Variants in TMEM132C observed in about 807,000 individuals in gnomAD.
TMEM132C encodes the protein transmembrane protein 132C, also known as protein phosphatase 1, regulatory subunit 152.
A neutral mutation model predicts 61.4 loss-of-function variants in TMEM132C; 29 were observed. The ratio of observed to expected loss-of-function variants is 0.47; its 90% CI spans 0.35 to 0.64. The LOEUF (loss-of-function observed/expected upper bound fraction) is 0.64. Ranked by LOEUF, TMEM132C falls within the 30% of genes least tolerant of loss-of-function variation. The pLI, the probability that TMEM132C is intolerant of heterozygous loss-of-function variation, is 0.00. For synonymous variants in TMEM132C, 656 were observed against 633.1 expected (o/e 1.04, Z -0.54); for missense variants, 1,408 against 1,476.9 (o/e 0.95, Z 0.76).
intron 3 of TMEM132C, among the ~76,000 whole-genome samples, chr12:128,590,924 G>A (rs1209628231): frequency 6.6e-6 from 1 of 152,070 alleles, no homozygotes; most frequent in African/African-American, 2.4e-5. Context: ...CCACAGGTAT[G>A]CACTGCCACA....
intron 2 of TMEM132C, among the ~76,000 whole-genome samples, chr12:128,513,888 C>T (rs1355781318): frequency 2.0e-5 from 3 of 152,170 alleles, no homozygotes; most frequent in Admixed American, 1.3e-4. Context: ...GTGATCAAGA[C>T]GGAGCCTGTT....
intron 3 of TMEM132C, among the ~76,000 whole-genome samples, chr12:128,613,910 G>T (rs1028051006): frequency 6.6e-6 from 1 of 152,210 alleles, no homozygotes; most frequent in Non-Finnish European, 1.5e-5. Context: ...CATATTTGGT[G>T]TTTCTTTCTT....
At chr12:128,472,206 T>C (rs747451611) in intron 2 of TMEM132C, among the ~76,000 whole-genome samples, 1 of 152,120 alleles carries the variant, frequency 6.6e-6, no homozygotes, top group Non-Finnish European at 1.5e-5. Flanking sequence ...GGTTTCTATA[T>C]TGATGTTTGA....
Position 128,445,995 on chromosome 12 carries a change from C to T in TMEM132C, c.974+30375C>T, listed in dbSNP as rs77904192. 1.2e-3 allele frequency among the ~76,000 whole-genome samples: 189 copies of T among 152,266 alleles called. 1 individual carries two copies. The highest frequency in any genetic ancestry group is 3.9e-3 in the African/African-American group (163 of 41,560). On this transcript the variant is annotated intron_variant, in intron 2 of 8. Transcript: ENST00000435159. ...CAAAGCCTCTGACAACTTCATCATG[C>T]GGCATTTTCCTTTATGTCCTTTTCC...
intron 1 of TMEM132C, among the ~76,000 whole-genome samples, chr12:128,317,944 T>C (rs896400066): frequency 1.3e-5 from 2 of 152,204 alleles, no homozygotes; most frequent in Non-Finnish European, 2.9e-5. Flanking sequence ...CAGAAACAAG[T>C]AAATTTTGGC....
chr12:128,380,090 A>C (rs1193389116), intron 1 of TMEM132C, among the ~76,000 whole-genome samples: 1 of 152,272 alleles, frequency 6.6e-6, no homozygotes, highest in Admixed American at 6.5e-5. Flanking sequence ...GCTTCTGCTC[A>C]CAAGTCATCT....
intron 1 of TMEM132C, among the ~76,000 whole-genome samples, chr12:128,371,830 C>T (rs1313043749): frequency 6.6e-6 from 1 of 152,196 alleles, no homozygotes; most frequent in African/African-American, 2.4e-5. Flanking sequence ...CCTCACTTCT[C>T]AGCCTCCCAA....
intron 1 of TMEM132C, among the ~76,000 whole-genome samples, chr12:128,382,943 GGTGT>G (rs751887373): frequency 1.3e-5 from 2 of 151,008 alleles, no homozygotes; most frequent in African/African-American, 2.4e-5. Flanking sequence ...TGTGTATGTG[GGTGT>G]GTGTGTATGT....
intron 2 of TMEM132C, among the ~76,000 whole-genome samples, chr12:128,486,876 AACACAC>A (rs56407388): frequency 0.078 from 10,259 of 131,090 alleles, 508 homozygotes; most frequent in East Asian, 0.24. Context: ...TGTGCATGCA[AACACAC>A]ACACACACAC....
At chr12:128,389,476 A>G (rs1026170553) in intron 1 of TMEM132C, among the ~76,000 whole-genome samples, 1 of 152,136 alleles carries the variant, frequency 6.6e-6, no homozygotes, top group Non-Finnish European at 1.5e-5. Flanking sequence ...ACACCACCCA[A>G]CACCGCATGC....
intron 2 of TMEM132C, among the ~76,000 whole-genome samples, chr12:128,515,474 G>A (rs1872687473): frequency 6.6e-6 from 1 of 152,108 alleles, no homozygotes; most frequent in African/African-American, 2.4e-5. Flanking sequence ...CCTACTTTTG[G>A]GCTTCTGTTT....
intron 2 of TMEM132C, among the ~76,000 whole-genome samples, chr12:128,510,310 C>T (rs1394526553): frequency 1.3e-5 from 2 of 152,214 alleles, no homozygotes; most frequent in Non-Finnish European, 2.9e-5. Context: ...AGGCCAACAA[C>T]ACCATGACTG....
At chr12:128,547,338 T>A (rs540412846) in intron 3 of TMEM132C, among the ~76,000 whole-genome samples, 23 of 151,872 alleles carry the variant, frequency 1.5e-4, no homozygotes, top group African/African-American at 3.4e-4. Context: ...AGACAGTGGT[T>A]CGTTCCTTGC....
At chr12:128,623,529 G>T (rs372754840) in intron 4 of TMEM132C, among the ~76,000 whole-genome samples, 5 of 151,706 alleles carry the variant, frequency 3.3e-5, no homozygotes, top group Admixed American at 6.6e-5. Flanking sequence ...AACTTCAGCC[G>T]GGTGCATTGG....
At chr12:128,535,595 G>A (rs931619396) in intron 2 of TMEM132C, among the ~76,000 whole-genome samples, 3 of 152,160 alleles carry the variant, frequency 2.0e-5, no homozygotes, top group African/African-American at 7.2e-5. Context: ...ACAGGCCGGT[G>A]CAGTGGCTCA....
chr12:128,651,093 A>C (rs1387781696), intron 4 of TMEM132C, among the ~76,000 whole-genome samples: 1 of 152,194 alleles, frequency 6.6e-6, no homozygotes, highest in Non-Finnish European at 1.5e-5. Flanking sequence ...TCCATCAGGG[A>C]GTAAGAAACA....
chr12:128,335,757 C>A (rs1872778211), intron 1 of TMEM132C, among the ~76,000 whole-genome samples: 1 of 152,174 alleles, frequency 6.6e-6, no homozygotes, highest in African/African-American at 2.4e-5. Context: ...TATCCCCATT[C>A]CACAGATGAG....
chr12:128,646,655 A>C (rs1321775122), intron 4 of TMEM132C, among the ~76,000 whole-genome samples: 1 of 150,222 alleles, frequency 6.7e-6, no homozygotes, highest in Non-Finnish European at 1.5e-5. Flanking sequence ...TCAGTCCATC[A>C]GCGTTGGATG....
At position 128,267,406 on chromosome 12, in the gene TMEM132C, CGCTCCGAGGGTGCG is replaced by C; in HGVS notation, c.7_20del (p.Ser3ProfsTer117). The C allele has an allele frequency of 8.3e-7, 1 of 1,198,988 alleles. No individual in the cohort carries two copies. Among genetic ancestry groups the C allele is most frequent in the Non-Finnish European group, 1.0e-6 (1 of 968,486 alleles). 74.3% of individuals were successfully genotyped at this position (1,198,988 alleles called of 1,614,324 possible). A position where few individuals can be genotyped will look rare whatever the true frequency, so the allele number is the denominator to read the frequency against. On this transcript the variant is annotated frameshift_variant, in exon 1 of 9. Transcript: ENST00000435159. LOFTEE classifies it high-confidence loss of function. ...GCGTGAGCGGCCGGGACGCAGGATG[CGCTCCGAGGGTGCG>C]GCCCCCGGGCCGGCGGCGCCGCTGT...
Sources: gnomAD v4.1 joint callset for allele counts (sites outside exome capture counted in the v4.1 genomes callset) on GRCh38, gnomAD v4.1.1 for gene constraint, MANE v1.5 for transcripts, NCBI Gene and HGNC (gene_info 2026-07-23, HGNC 2026-07-21) for gene names.